Variants in ASNS observed in about 807,000 individuals in gnomAD.
ASNS encodes the protein asparagine synthetase (glutamine-hydrolyzing).
Under a neutral mutation model 62.6 loss-of-function variants are expected in ASNS, and 37 were observed. The observed-to-expected ratio is 0.59, with a 90% CI of 0.45 to 0.78. The LOEUF (loss-of-function observed/expected upper bound fraction) is 0.78. ASNS is among the 30% of genes least tolerant of loss of function. ASNS has a pLI of 0.00. For synonymous variants in ASNS, 207 were observed against 237.9 expected (o/e 0.87, Z 1.19); for missense variants, 520 against 682.4 (o/e 0.76, Z 2.65).
chr7:97,907,211 C>T, the ASNS span, among the ~76,000 whole-genome samples: 1 of 152,186 alleles, frequency 6.6e-6, no homozygotes, highest in African/African-American at 2.4e-5. Context: ...CTAAGCCTTC[C>T]CTGCTAACCC....
the ASNS span, among the ~76,000 whole-genome samples, chr7:97,900,360 C>CAAAAAA: frequency 6.7e-5 from 6 of 89,366 alleles, no homozygotes; most frequent in African/African-American, 2.7e-4. Flanking sequence ...GACTTTGTCT[C>CAAAAAA]AAAAAAAAAA....
At chr7:97,923,581 C>T in the ASNS span, among the ~76,000 whole-genome samples, 1 of 152,202 alleles carries the variant, frequency 6.6e-6, no homozygotes, top group Admixed American at 6.5e-5. Context: ...CAATCACGGT[C>T]ATTTCCACAG....
intron 3 of ASNS, among the ~76,000 whole-genome samples, chr7:97,868,402 T>C (rs1792077506): frequency 6.6e-6 from 1 of 152,204 alleles, no homozygotes; most frequent in African/African-American, 2.4e-5. Flanking sequence ...GACTCTTAGG[T>C]TTAATAATGG....
chr7:97,925,298 G>A, the ASNS span, among the ~76,000 whole-genome samples: 2 of 152,182 alleles, frequency 1.3e-5, no homozygotes, highest in East Asian at 3.9e-4. Context: ...AATTTTCCAA[G>A]ACCGCATTGC....
At chr7:97,892,231 G>C in the ASNS span, among the ~76,000 whole-genome samples, 2 of 152,160 alleles carry the variant, frequency 1.3e-5, no homozygotes, top group Non-Finnish European at 2.9e-5. Flanking sequence ...GCTGCAGCTG[G>C]AGTGGCTAGG....
chr7:97,858,333 A>T lies in ASNS; in HGVS notation c.848T>A (p.Leu283His). Residue 283 changes from leucine (L) to histidine (H), a missense_variant, in exon 7 of 13, where the codon CTC (leucine) becomes CAC (histidine). Coordinates refer to ENST00000394308, the MANE Select transcript of ASNS (RefSeq NM_001673.5). ...TTCCATGCCAATTGCAAATGTCTGG[A>T]GAGGATACTGTACTTGGGCTTCTTT... ...QLKEAQVQYP[L>H]QTFAIGMEDS... The T allele has an allele frequency of 6.2e-7, 1 of 1,614,056 alleles. No individual in the cohort carries two copies. The highest frequency in any genetic ancestry group is 8.5e-7 in the Non-Finnish European group (1 of 1,180,010).
intron 1 of ASNS, chr7:97,870,301 G>T: frequency 1.9e-6 from 1 of 531,020 alleles, no homozygotes. Context: ...AAAACAAGAT[G>T]TTTTAATTAA....
chr7:97,877,959 A>T, the ASNS span, among the ~76,000 whole-genome samples: 1 of 152,180 alleles, frequency 6.6e-6, no homozygotes, highest in Non-Finnish European at 1.5e-5. Flanking sequence ...CTGTCCTAGA[A>T]TTCTGCCCAT....
the ASNS span, among the ~76,000 whole-genome samples, chr7:97,892,846 C>T: frequency 3.3e-5 from 5 of 152,300 alleles, no homozygotes; most frequent in African/African-American, 1.2e-4. Flanking sequence ...CCAAATTTTC[C>T]CACATTTTCC....
intron 1 of ASNS, among the ~76,000 whole-genome samples, chr7:97,870,881 G>T (rs1792222543): frequency 1.3e-5 from 2 of 152,078 alleles, no homozygotes; most frequent in South Asian, 4.2e-4. Context: ...GAACAAAGAG[G>T]CATGTAAAGT....
At position 97,864,447 on chromosome 7, in the gene ASNS, A is replaced by G; in HGVS notation, c.299T>C (p.Ile100Thr). Residue 100 changes from isoleucine to threonine, a missense_variant, in exon 4 of 13, where the codon ATA (isoleucine) becomes ACA (threonine). Ile to Thr is a moderately conservative substitution (Grantham distance 89). Transcript: ENST00000394308. Reference sequence around the variant, plus strand: ...TCCTTTGTCATAAAGATGAAGGATTATCTCACCATCCACTTTGGTCTGGTA... The same window carrying G: ...TCCTTTGTCATAAAGATGAAGGATTGTCTCACCATCCACTTTGGTCTGGTA... ...FEYQTKVDGEIILHLYDKGGI... is the reference protein window; with the variant it reads ...FEYQTKVDGETILHLYDKGGI... 1 of 1,614,018 alleles carries G rather than the reference A, an allele frequency of 6.2e-7. No homozygotes were observed.
intron 4 of ASNS, among the ~76,000 whole-genome samples, chr7:97,860,985 C>A (rs1262782062): frequency 2.1e-5 from 3 of 144,234 alleles, no homozygotes; most frequent in Admixed American, 1.4e-4. Context: ...TTAGCCCTTA[C>A]ATTTAAGTGG....
chr7:97,896,353 C>A, the ASNS span, among the ~76,000 whole-genome samples: 1 of 151,422 alleles, frequency 6.6e-6, no homozygotes, highest in South Asian at 2.1e-4. Context: ...CTTTGGGAGG[C>A]CAAGGCGGGT....
At chr7:97,862,876 T>C (rs1791791456) in intron 4 of ASNS, among the ~76,000 whole-genome samples, 1 of 151,716 alleles carries the variant, frequency 6.6e-6, no homozygotes, top group Non-Finnish European at 1.5e-5. Flanking sequence ...GATATACAAA[T>C]GGCCAATAAG....
At chr7:97,924,337 G>A in the ASNS span, among the ~76,000 whole-genome samples, 1 of 152,160 alleles carries the variant, frequency 6.6e-6, no homozygotes, top group Non-Finnish European at 1.5e-5. Flanking sequence ...TCCCACTTAT[G>A]CACTGCATTC....
chr7:97,889,608 C>T, the ASNS span, among the ~76,000 whole-genome samples: 5 of 151,910 alleles, frequency 3.3e-5, no homozygotes, highest in Non-Finnish European at 7.4e-5. Context: ...CATATGCAGA[C>T]TATACCACTG....
chr7:97,915,600 A>T, the ASNS span, among the ~76,000 whole-genome samples: 1 of 152,136 alleles, frequency 6.6e-6, no homozygotes, highest in Non-Finnish European at 1.5e-5. Flanking sequence ...ATGAAAGCAG[A>T]TAACAGGGGG....
At chr7:97,923,321 G>A in the ASNS span, among the ~76,000 whole-genome samples, 2 of 151,910 alleles carry the variant, frequency 1.3e-5, no homozygotes, top group South Asian at 4.2e-4. Flanking sequence ...CAGGCATGGT[G>A]GCTCATGCCT....
At chr7:97,881,490 A>G in the ASNS span, among the ~76,000 whole-genome samples, 1 of 150,854 alleles carries the variant, frequency 6.6e-6, no homozygotes, top group African/African-American at 2.4e-5. Context: ...AGATTTGCCT[A>G]TTCTGGGCCT....
Sources: gnomAD v4.1 joint callset for allele counts (sites outside exome capture counted in the v4.1 genomes callset) on GRCh38, gnomAD v4.1.1 for gene constraint, MANE v1.5 for transcripts, NCBI Gene and HGNC (gene_info 2026-07-23, HGNC 2026-07-21) for gene names.